Variants in BICRA observed in about 807,000 individuals in gnomAD.
The protein encoded by BICRA is BRD4 interacting chromatin remodeling complex associated protein.
A neutral mutation model predicts 96.9 loss-of-function variants in BICRA; 31 were observed. The ratio of observed to expected loss-of-function variants is 0.32; its 90% CI spans 0.24 to 0.43. The LOEUF (loss-of-function observed/expected upper bound fraction) is 0.43. Among genes scored for constraint, BICRA ranks in the 20% least tolerant of loss-of-function variants. The pLI is 1.00. For missense variants in BICRA, 2,283 were observed against 2,190.3 expected, an observed-to-expected ratio of 1.04 and a Z score of -0.84; for synonymous variants, 1,350 against 1,071.8, an observed-to-expected ratio of 1.26 and a Z score of -5.07.
intron 7 of BICRA, among the ~76,000 whole-genome samples, chr19:47,685,797 G>GCGCGCGCGCGCGCGCA (rs1973147000): frequency 1.4e-5 from 2 of 147,234 alleles, no homozygotes; most frequent in Non-Finnish European, 3.1e-5. Context: ...GCGCGCGCGC[G>GCGCGCGCGCGCGCGCA]CGCATGCGTA....
At chr19:47,671,171 C>T (rs1004336304) in intron 2 of BICRA, among the ~76,000 whole-genome samples, 1 of 152,210 alleles carries the variant, frequency 6.6e-6, no homozygotes, top group Non-Finnish European at 1.5e-5. Flanking sequence ...AAATATGCCC[C>T]AGCCCACTGT....
At chr19:47,644,389 T>A (rs899189899) in intron 1 of BICRA, among the ~76,000 whole-genome samples, 1 of 151,796 alleles carries the variant, frequency 6.6e-6, no homozygotes, top group Non-Finnish European at 1.5e-5. Flanking sequence ...CTTTTCCTTT[T>A]CTTTTCTTTC....
chr19:47,641,070 A>ATTTTTTTTTTTT (rs71180861), intron 1 of BICRA, among the ~76,000 whole-genome samples: 455 of 104,530 alleles, frequency 4.4e-3, no homozygotes, highest in Middle Eastern at 0.013. Flanking sequence ...TGCCTGGCTA[A>ATTTTTTTTTTTT]TTTTTTTTTT....
chr19:47,701,974 G>C lies in BICRA; in HGVS notation c.4242G>C (p.Pro1414=). The change falls in exon 15 of 15, where the codon CCG becomes CCC. Residue 1414 remains proline, a synonymous_variant. Coordinates refer to ENST00000594866, the MANE Select transcript of BICRA (RefSeq NM_001394372.1). The surrounding 1 kb of genome is among the most constrained non-coding windows in gnomAD (Gnocchi z 5.4). The stretch of plus-strand genomic sequence containing the variant: ...CAGGCAGGGCACGGGGAGGCAGCCC[G>C]GCGCCGCTGCCCGCCAAAGTGGACG... ...TPAGRARGGS[P]APLPAKVDEA... is the part of the protein sequence containing the mutation. 1 of 1,466,498 alleles carries C rather than the reference G, an allele frequency of 6.8e-7. No homozygotes were observed. Among genetic ancestry groups the C allele is most frequent in the Non-Finnish European group, 8.9e-7 (1 of 1,119,156 alleles). 90.8% of individuals were successfully genotyped at this position (1,466,498 alleles called of 1,614,324 possible).
chr19:47,642,948 A>T (rs1305769846), intron 1 of BICRA, among the ~76,000 whole-genome samples: 1 of 152,174 alleles, frequency 6.6e-6, no homozygotes, highest in African/African-American at 2.4e-5. Flanking sequence ...GGCTGTTTGC[A>T]TACCTTCTTT....
chr19:47,680,442 C>A lies in BICRA; in HGVS notation c.1272C>A (p.Phe424Leu), dbSNP rs1218088797. The A allele has an allele frequency of 1.3e-6, 2 of 1,538,642 alleles. No homozygotes were observed. The highest frequency in any genetic ancestry group is 2.0e-5 in the Admixed American group (1 of 50,914). ...CGCCTGCGCTGCAAGCGAACGTCTT[C>A]AAGCAGCCACCGGCCACCACCACCG... ...FPAPALQANV[F>L]KQPPATTTGA... Residue 424 changes from phenylalanine to leucine, a missense_variant, in exon 6 of 15, where the codon TTC (phenylalanine) becomes TTA (leucine). Phe to Leu is a conservative substitution (Grantham distance 22, BLOSUM62 0). Coordinates refer to ENST00000594866, the MANE Select transcript of BICRA (RefSeq NM_001394372.1).
At chr19:47,658,165 A>G (rs1972649189) in intron 1 of BICRA, among the ~76,000 whole-genome samples, 1 of 152,166 alleles carries the variant, frequency 6.6e-6, no homozygotes, top group Admixed American at 6.6e-5. Flanking sequence ...TGAGGAAGAA[A>G]GTTTCTGGCC....
intron 1 of BICRA, among the ~76,000 whole-genome samples, chr19:47,632,920 T>G (rs191302137): frequency 6.6e-6 from 1 of 151,940 alleles, no homozygotes; most frequent in Non-Finnish European, 1.5e-5. Context: ...GACAGCAGAG[T>G]CTGCCTCCCG....
At chr19:47,643,572 A>G (rs1222255455) in intron 1 of BICRA, among the ~76,000 whole-genome samples, 3 of 152,300 alleles carry the variant, frequency 2.0e-5, no homozygotes, top group African/African-American at 7.2e-5. Flanking sequence ...TACTGGGGAC[A>G]CCAGCCTCCC....
intron 1 of BICRA, among the ~76,000 whole-genome samples, chr19:47,637,599 T>C (rs1185934812): frequency 6.6e-6 from 1 of 152,114 alleles, no homozygotes; most frequent in Non-Finnish European, 1.5e-5. Flanking sequence ...TGGTTTTTAG[T>C]ATCTCCACAG....
rs1401404425 is a variant in BICRA at position 47,679,901 on chromosome 19, C to G, written c.731C>G (p.Ala244Gly). ...PIQVVGQPVMALNTPTSQLLA... is the reference protein window; with the variant it reads ...PIQVVGQPVMGLNTPTSQLLA... Reference sequence around the variant, plus strand: ...CAGGTGGTGGGCCAGCCCGTCATGGCGCTCAACACGCCCACCTCCCAGCTC... The same window carrying G: ...CAGGTGGTGGGCCAGCCCGTCATGGGGCTCAACACGCCCACCTCCCAGCTC... Residue 244 changes from alanine to glycine, a missense_variant, in exon 6 of 15, where the codon GCG (alanine) becomes GGG (glycine). Coordinates refer to ENST00000594866, the MANE Select transcript of BICRA (RefSeq NM_001394372.1). 1.3e-6 allele frequency: 2 copies of G among 1,521,526 alleles called. No individual in the cohort carries two copies. Among genetic ancestry groups the G allele is most frequent in the Non-Finnish European group, 1.8e-6 (2 of 1,141,184 alleles). The allele number at this position is 1,521,526 out of a possible 1,614,324, so 94.3% of individuals were successfully genotyped here. A position where few individuals can be genotyped will look rare whatever the true frequency, so the allele number is the denominator to read the frequency against.
chr19:47,648,574 G>A (rs1192138819), intron 1 of BICRA, among the ~76,000 whole-genome samples: 2 of 151,704 alleles, frequency 1.3e-5, no homozygotes, highest in East Asian at 2.0e-4. Context: ...GGTGACACTC[G>A]AGAAAAGGAA....
chr19:47,621,993 G>A (rs1433368227), intron 1 of BICRA, among the ~76,000 whole-genome samples: 2 of 149,270 alleles, frequency 1.3e-5, no homozygotes, highest in African/African-American at 4.9e-5. Context: ...TTGAGATGAA[G>A]TCTCACTCTG....
At chr19:47,615,140 C>T (rs911299228) in intron 1 of BICRA, among the ~76,000 whole-genome samples, 4 of 152,162 alleles carry the variant, frequency 2.6e-5, no homozygotes, top group Admixed American at 1.3e-4. Context: ...CACGCCACCA[C>T]GCCCAGGGAG....
intron 7 of BICRA, 32 bp from the exon 8 acceptor site, chr19:47,694,083 G>GGCCCC: frequency 9.1e-7 from 1 of 1,093,876 alleles, no homozygotes; most frequent in South Asian, 2.2e-5. Flanking sequence ...TCTGACCCCC[G>GGCCCC]CCCCTCCCCT....
chr19:47,620,405 A>G (rs770665633), intron 1 of BICRA, among the ~76,000 whole-genome samples: 1 of 152,052 alleles, frequency 6.6e-6, no homozygotes, highest in African/African-American at 2.4e-5. Flanking sequence ...AGTGGCTCAC[A>G]CCTCTAATCC....
rs1398228780 is a variant in BICRA, at chr19:47,698,613, C to T, written c.3249-21C>T. 1.5e-6 allele frequency: 1 copy of T among 677,672 alleles called. No homozygotes were observed. The highest frequency in any genetic ancestry group is 1.4e-5 in the South Asian group (1 of 71,598). 42.0% of individuals were successfully genotyped at this position (677,672 alleles called of 1,614,324 possible). A position where few individuals can be genotyped will look rare whatever the true frequency, so the allele number is the denominator to read the frequency against. On this transcript the variant is annotated intron_variant, in intron 11 of 14. Transcript: ENST00000594866. The surrounding 1 kb of genome is among the most constrained non-coding windows in gnomAD (Gnocchi z 4.8). Reference sequence around the variant, plus strand: ...CCCCCCACCCTCCGCCGTGTGTGGTCTCTCCCCTTTCCACCCGCAGTTTCC... The same window carrying T: ...CCCCCCACCCTCCGCCGTGTGTGGTTTCTCCCCTTTCCACCCGCAGTTTCC...
rs974857325 is a variant in BICRA at position 47,681,015 on chromosome 19, C to T, written c.1845C>T (p.Ala615=). ...PATPAAATGE[A]APVLTVQPAP... is the part of the protein sequence containing the mutation. ...CCCCTGCCGCTGCCACCGGGGAGGC[C>T]GCGCCTGTCCTCACGGTGCAGCCTG... Residue 615 remains alanine, a synonymous_variant, in exon 6 of 15, where the codon GCC becomes GCT. Coordinates refer to ENST00000594866, the MANE Select transcript of BICRA (RefSeq NM_001394372.1). 84 of 1,447,350 alleles carry T rather than the reference C, an allele frequency of 5.8e-5. No homozygotes were observed. The highest frequency in any genetic ancestry group is 3.3e-4 in the Admixed American group (12 of 36,506). 89.7% of individuals were successfully genotyped at this position (1,447,350 alleles called of 1,614,324 possible).
chr19:47,668,436 G>T (rs1972815244), intron 1 of BICRA, among the ~76,000 whole-genome samples: 5 of 151,582 alleles, frequency 3.3e-5, no homozygotes, highest in Admixed American at 2.6e-4. Context: ...TTGCAAAGCA[G>T]TGTCGTTTTT....
Sources: allele counts gnomAD v4.1 joint callset (sites outside exome capture counted in the v4.1 genomes callset), GRCh38; gene constraint gnomAD v4.1.1; non-coding constraint Gnocchi (gnomAD v3.1); transcripts MANE v1.5; gene names NCBI Gene and HGNC (gene_info 2026-07-23, HGNC 2026-07-21).